Variants in PPP6R2 observed in about 807,000 individuals in gnomAD.
PPP6R2 encodes the protein serine/threonine-protein phosphatase 6 regulatory subunit 2.
A neutral mutation model predicts 100.2 loss-of-function variants in PPP6R2; 62 were observed. The observed-to-expected ratio is 0.62, with a 90% CI of 0.50 to 0.76. The LOEUF (loss-of-function observed/expected upper bound fraction) is 0.76, where lower values mean the gene tolerates loss of function less well. PPP6R2 is among the 30% of genes least tolerant of loss of function. The probability of loss-of-function intolerance (pLI) is 0.00; values close to 1 mark genes in which losing one functional copy is unlikely to be tolerated. For missense variants in PPP6R2, 1,142 were observed against 1,276.3 expected, an observed-to-expected ratio of 0.89 and a Z score of 1.60; for synonymous variants, 525 against 514.7, an observed-to-expected ratio of 1.02 and a Z score of -0.27.
chr22:50,378,128 G>A (rs1021273516), intron 2 of PPP6R2, among the ~76,000 whole-genome samples: 2 of 152,152 alleles, frequency 1.3e-5, no homozygotes, highest in Admixed American at 6.6e-5. Context: ...TAAAATAAAC[G>A]AAAAACACAG....
chr22:50,441,684 G>A (rs938118441), intron 22 of PPP6R2, among the ~76,000 whole-genome samples: 1 of 152,160 alleles, frequency 6.6e-6, no homozygotes, highest in African/African-American at 2.4e-5. Flanking sequence ...GCCATCCCTG[G>A]GGAGAGAGTG....
chr22:50,441,464 G>A (rs978937434), intron 22 of PPP6R2, among the ~76,000 whole-genome samples: 2 of 152,194 alleles, frequency 1.3e-5, no homozygotes, highest in African/African-American at 4.8e-5. Flanking sequence ...TTTAAGTCTG[G>A]CAGGCGAGCG....
At chr22:50,373,712 T>A (rs2050811914) in intron 2 of PPP6R2, among the ~76,000 whole-genome samples, 1 of 151,892 alleles carries the variant, frequency 6.6e-6, no homozygotes, top group African/African-American at 2.4e-5. Flanking sequence ...CCACTACGGC[T>A]AATTTATTTA....
At chr22:50,438,025 A>G in intron 17 of PPP6R2, 125 bp downstream of exon 17, 1 of 1,495,416 alleles carries the variant, frequency 6.7e-7, no homozygotes, top group Non-Finnish European at 9.1e-7. Context: ...TGGAGCTCGG[A>G]ACAGTCGCTT....
chr22:50,339,500 G>A (rs1282897649), upstream of PPP6R2, among the ~76,000 whole-genome samples: 1 of 139,822 alleles, frequency 7.2e-6, no homozygotes, highest in African/African-American at 2.7e-5. Flanking sequence ...TAGGGTGTGT[G>A]TTGTGTGTGT....
intron 2 of PPP6R2, among the ~76,000 whole-genome samples, chr22:50,381,941 CTG>C (rs1028103011): frequency 6.6e-6 from 1 of 150,948 alleles, no homozygotes; most frequent in African/African-American, 2.4e-5. Context: ...GGAATAGAAA[CTG>C]TACAATTTCC....
chr22:50,341,631 G>A (rs1006744692), upstream of PPP6R2, among the ~76,000 whole-genome samples: 4 of 152,210 alleles, frequency 2.6e-5, no homozygotes, highest in African/African-American at 9.6e-5. Context: ...AGAGAAACTG[G>A]TTTTGAACCA....
intron 3 of PPP6R2, among the ~76,000 whole-genome samples, chr22:50,403,041 C>T (rs886741839): frequency 7.2e-5 from 11 of 152,120 alleles, no homozygotes; most frequent in Non-Finnish European, 1.3e-4. Context: ...GGTAAAACCC[C>T]GTCTCTACCA....
intron 1 of PPP6R2, among the ~76,000 whole-genome samples, chr22:50,366,312 T>C (rs1479855221): frequency 7.6e-6 from 1 of 131,958 alleles, no homozygotes; most frequent in Non-Finnish European, 1.6e-5. Flanking sequence ...CCCTCTCATC[T>C]TTTTTTTTTT....
At chr22:50,340,021 G>A (rs1459480913), upstream of PPP6R2, among the ~76,000 whole-genome samples, 1 of 144,438 alleles carries the variant, frequency 6.9e-6, no homozygotes, top group Non-Finnish European at 1.5e-5. Flanking sequence ...TATGTAGTGT[G>A]TGTGTAGGGT....
At chr22:50,332,752 T>C in the PPP6R2 span, among the ~76,000 whole-genome samples, 3 of 151,554 alleles carry the variant, frequency 2.0e-5, no homozygotes, top group African/African-American at 7.3e-5. Context: ...GCCTCCCAAG[T>C]AGTGGGTACT....
In PPP6R2 at chr22:50,431,402, A is replaced by G. The variant is rs1435922506; in HGVS notation, c.1335+20A>G. The G allele has an allele frequency of 6.2e-7, 1 of 1,606,188 alleles. No homozygotes were observed. The highest frequency in any genetic ancestry group is 8.5e-7 in the Non-Finnish European group (1 of 1,176,974). Reference sequence around the variant, plus strand: ...ACCCACGTGAGTCCAAGAAGCATCCATCTTATCAGCGCCAACTGCGCCCCA... The same window carrying G: ...ACCCACGTGAGTCCAAGAAGCATCCGTCTTATCAGCGCCAACTGCGCCCCA... On this transcript the variant is annotated intron_variant, in intron 11 of 23. Transcript: ENST00000612753. This position sits in a 1 kb window ranked among gnomAD's most constrained non-coding sequence, Gnocchi z 4.8.
intron 10 of PPP6R2, among the ~76,000 whole-genome samples, chr22:50,427,154 A>G (rs1953123122): frequency 6.7e-6 from 1 of 149,276 alleles, no homozygotes. Context: ...GTGCCACTGC[A>G]CTCCAGCCTG....
At chr22:50,420,810 T>G (rs1746940348) in intron 8 of PPP6R2, among the ~76,000 whole-genome samples, 1 of 152,228 alleles carries the variant, frequency 6.6e-6, no homozygotes, top group African/African-American at 2.4e-5. Flanking sequence ...GGCCTCACCC[T>G]GGCCCTTGAA....
In PPP6R2 at chr22:50,441,128, C is replaced by T; in HGVS notation, c.2579+102C>T. ...TCCCCTGAGAGGAGGTGAGGCCAGG[C>T]CAGGGTCTTCTCCACACTGCCTCCC... is the stretch of plus-strand genomic sequence containing the variant. On this transcript the variant is annotated intron_variant, in intron 22 of 23. Transcript: ENST00000612753. 2.8e-6 allele frequency: 3 copies of T among 1,054,406 alleles called. No homozygotes were observed. In the South Asian group the frequency reaches 5.0e-5, roughly 18 times the overall value. The allele number at this position is 1,054,406 out of a possible 1,614,324, so 65.3% of individuals were successfully genotyped here.
At chr22:50,335,543 C>T in the PPP6R2 span, among the ~76,000 whole-genome samples, 2 of 151,206 alleles carry the variant, frequency 1.3e-5, no homozygotes, top group African/African-American at 4.9e-5. Flanking sequence ...GACGAAGTCT[C>T]ACTCTGTCGC....
At chr22:50,402,080 T>C (rs1198293411) in intron 3 of PPP6R2, among the ~76,000 whole-genome samples, 2 of 152,104 alleles carry the variant, frequency 1.3e-5, no homozygotes, top group East Asian at 3.9e-4. Flanking sequence ...CTACACTTGC[T>C]CTCCTCCGTG....
chr22:50,384,041 A>AAAC (rs1569352620), intron 2 of PPP6R2, among the ~76,000 whole-genome samples: 1 of 140,740 alleles, frequency 7.1e-6, no homozygotes, highest in Non-Finnish European at 1.5e-5. Flanking sequence ...ATCTCAAAAA[A>AAAC]AAAAAAAAAA....
At chr22:50,359,217 CT>C (rs368586121) in intron 1 of PPP6R2, among the ~76,000 whole-genome samples, 55 of 129,178 alleles carry the variant, frequency 4.3e-4, no homozygotes, top group Admixed American at 6.4e-4. Flanking sequence ...CCAGGCTGGT[CT>C]TTTTTTTTTT....
Sources: gnomAD v4.1 joint callset for allele counts (sites outside exome capture counted in the v4.1 genomes callset) on GRCh38, gnomAD v4.1.1 for gene constraint, Gnocchi (gnomAD v3.1) non-coding constraint, MANE v1.5 for transcripts, NCBI Gene and HGNC (gene_info 2026-07-23, HGNC 2026-07-21) for gene names.